Variants in SLC6A2 observed in about 807,000 individuals in gnomAD.
SLC6A2 encodes solute carrier family 6 member 2.
SLC6A2 carries 26 observed loss-of-function variants against 71.7 expected under a neutral mutation model. The ratio of observed to expected loss-of-function variants is 0.36; its 90% CI spans 0.27 to 0.50. The LOEUF (loss-of-function observed/expected upper bound fraction) is 0.50. Among genes scored for constraint, SLC6A2 ranks in the 20% least tolerant of loss-of-function variants. The pLI is 0.96. For synonymous variants in SLC6A2, 363 were observed against 337.9 expected, an observed-to-expected ratio of 1.07 and a Z score of -0.82; for missense variants, 581 against 803.9, an observed-to-expected ratio of 0.72 and a Z score of 3.35.
chr16:55,700,032 A>G, intron 12 of SLC6A2, 107 bp from the exon 13 acceptor site: 1 of 894,724 alleles, frequency 1.1e-6, no homozygotes, highest in Non-Finnish European at 1.8e-6. Flanking sequence ...TGTGATGCTC[A>G]CTTCTCTTCA....
intron 6 of SLC6A2, among the ~76,000 whole-genome samples, chr16:55,692,326 T>A (rs1243509616): frequency 6.6e-6 from 1 of 152,200 alleles, no homozygotes; most frequent in Non-Finnish European, 1.5e-5. Flanking sequence ...AGAAATTCCC[T>A]GTGAAGAGGA....
intron 4 of SLC6A2, among the ~76,000 whole-genome samples, chr16:55,674,250 A>G (rs1338560740): frequency 6.6e-6 from 1 of 151,884 alleles, no homozygotes; most frequent in African/African-American, 2.4e-5. Flanking sequence ...ATGTGTACTC[A>G]ATATTTAGCT....
intron 2 of SLC6A2, among the ~76,000 whole-genome samples, chr16:55,664,051 C>T (rs567327779): frequency 6.6e-6 from 1 of 152,236 alleles, no homozygotes; most frequent in South Asian, 2.1e-4. Context: ...ACATGCCTAT[C>T]CAATGACATC....
At chr16:55,695,478 G>T (rs1597009090) in intron 8 of SLC6A2, 76 bp downstream of exon 8, 1 of 1,515,146 alleles carries the variant, frequency 6.6e-7, no homozygotes, top group South Asian at 1.1e-5. Context: ...TGGCTGCATG[G>T]CTCTTCCGTG....
chr16:55,669,185 C>T (rs1289631880), intron 2 of SLC6A2, among the ~76,000 whole-genome samples: 1 of 152,022 alleles, frequency 6.6e-6, no homozygotes, highest in Admixed American at 6.6e-5. Flanking sequence ...ATTGGCATTC[C>T]CAGAGTGATG....
At chr16:55,673,254 C>T (rs1233122502) in intron 4 of SLC6A2, among the ~76,000 whole-genome samples, 1 of 152,208 alleles carries the variant, frequency 6.6e-6, no homozygotes, top group African/African-American at 2.4e-5. Flanking sequence ...TGATGCTGTG[C>T]CCTCCTCAGT....
At chr16:55,695,769 A>G (rs1478046223) in intron 8 of SLC6A2, among the ~76,000 whole-genome samples, 2 of 152,152 alleles carry the variant, frequency 1.3e-5, no homozygotes, top group Non-Finnish European at 2.9e-5. Context: ...AGCTAAATAC[A>G]TTGTCTGGCG....
intron 4 of SLC6A2, among the ~76,000 whole-genome samples, chr16:55,684,012 C>T (rs1965365356): frequency 6.6e-6 from 1 of 152,092 alleles, no homozygotes; most frequent in South Asian, 2.1e-4. Context: ...TAATACTCCA[C>T]TTAGGCCAGG....
chr16:55,697,720 G>A (rs1003092186), intron 9 of SLC6A2, among the ~76,000 whole-genome samples, 177 bp from the exon 10 acceptor site: 5 of 138,730 alleles, frequency 3.6e-5, no homozygotes, highest in Non-Finnish European at 6.6e-5. Context: ...GTTTGCCTGA[G>A]AACAGGACAG....
chr16:55,700,331 A>T lies in SLC6A2; in HGVS notation c.1758+25A>T, dbSNP rs376482135. 8.1e-5 allele frequency: 130 copies of T among 1,603,892 alleles called. No individual in the cohort carries two copies. The African/African-American group carries it at 1.6e-3, about 19-fold the overall frequency. On this transcript the variant is annotated intron_variant, in intron 13 of 14. Coordinates refer to ENST00000568943, the MANE Select transcript of SLC6A2 (RefSeq NM_001172501.3). ...GGTGAGCTCTGGTCCTCCCCAGGGG[A>T]ACAGGGTGGGAGGGGGCTGAGGGGG...
At position 55,683,544 on chromosome 16, in the gene SLC6A2, C is replaced by T. The variant is rs1263772789; in HGVS notation, c.645-1599C>T. Among the ~76,000 whole-genome samples, 5 of 152,000 alleles carry T rather than the reference C, an allele frequency of 3.3e-5. No homozygotes were observed. In the East Asian group the frequency reaches 7.7e-4, roughly 24 times the overall value. ...ATGAGAATCACTTGAACTTGGGAGG[C>T]GGAGGTTGCAGTGAGCCGTCATCGC... On this transcript the variant is annotated intron_variant, in intron 4 of 14. Transcript: ENST00000568943.
intron 2 of SLC6A2, among the ~76,000 whole-genome samples, chr16:55,658,428 A>G (rs1964518395): frequency 6.6e-6 from 1 of 151,974 alleles, no homozygotes; most frequent in Non-Finnish European, 1.5e-5. Context: ...CAGGAGAATC[A>G]CTTGAACCCG....
At chr16:55,699,427 CTAGTTCCAGGGTATCAGCATCT>C in intron 11 of SLC6A2, 105 bp from the exon 12 acceptor site, 1 of 756,326 alleles carries the variant, frequency 1.3e-6, no homozygotes, top group South Asian at 1.4e-5. Context: ...CCGAGTCTCC[CTAGTTCCAGGGTATCAGCATCT>C]TGCCTCACTG....
rs1966083327 is a variant in SLC6A2, at chr16:55,705,556, T to C, written c.*3210T>C. 3 of 336,896 alleles carry C rather than the reference T, an allele frequency of 8.9e-6. No homozygotes were observed. 20.9% of individuals were successfully genotyped at this position (336,896 alleles called of 1,614,324 possible). On this transcript the variant is annotated 3_prime_UTR_variant, in exon 15 of 15. Coordinates refer to ENST00000568943, the MANE Select transcript of SLC6A2 (RefSeq NM_001172501.3). ...TCTGCAGCTGACTAGCTGGGTGGCC[T>C]GGGGATAGTGGCTTCATCTTTTGGG...
intron 7 of SLC6A2, 87 bp downstream of exon 7, chr16:55,694,200 C>T (rs1965724203): frequency 4.0e-6 from 4 of 999,652 alleles, no homozygotes; most frequent in Non-Finnish European, 6.4e-6. Flanking sequence ...GTCTGGAAGC[C>T]AACTCTCCCT....
chr16:55,700,001 T>G (rs1243149634), intron 12 of SLC6A2, 138 bp from the exon 13 acceptor site: 2 of 754,030 alleles, frequency 2.7e-6, no homozygotes, highest in Non-Finnish European at 4.7e-6. Flanking sequence ...TTTCCACTCC[T>G]TCCTTATTTC....
chr16:55,701,787 T>A (rs981805198), intron 13 of SLC6A2, 76 bp from the exon 14 acceptor site: 1 of 1,095,256 alleles, frequency 9.1e-7, no homozygotes. Flanking sequence ...GTGGCCCTCA[T>A]CTGGGGGTGC....
In SLC6A2 at chr16:55,703,101, C is replaced by T; in HGVS notation, c.*755C>T. On this transcript the variant is annotated 3_prime_UTR_variant, in exon 15 of 15. Transcript: ENST00000568943. ...ACAGTGAGCAGGTTCTAGGAGGTAC[C>T]TGCATCAGACAAGCTGGTGGAGGCC... 1.0e-6 allele frequency: 1 copy of T among 985,656 alleles called. No homozygotes were observed. Among genetic ancestry groups the T allele is most frequent in the Non-Finnish European group, 1.2e-6 (1 of 830,108 alleles). The allele number at this position is 985,656 out of a possible 1,614,324, so 61.1% of individuals were successfully genotyped here. A position where few individuals can be genotyped will look rare whatever the true frequency, so the allele number is the denominator to read the frequency against.
At position 55,695,262 on chromosome 16, in the gene SLC6A2, G is replaced by C. The variant is rs1317388246; in HGVS notation, c.1023-16G>C. 29 of 1,613,928 alleles carry C rather than the reference G, an allele frequency of 1.8e-5. No homozygotes were observed. The highest frequency in any genetic ancestry group is 2.5e-5 in the Non-Finnish European group (29 of 1,179,982). ...GGGTGTCAAGGGACTTGACCTCACT[G>C]TGCTTCTTCCCCCAGGGATGCCCTG... On this transcript the variant is annotated splice_polypyrimidine_tract_variant and intron_variant, in intron 7 of 14. Transcript: ENST00000568943.
Sources: gnomAD v4.1 joint callset for allele counts (sites outside exome capture counted in the v4.1 genomes callset) on GRCh38, gnomAD v4.1.1 for gene constraint, MANE v1.5 for transcripts, NCBI Gene and HGNC (gene_info 2026-07-23, HGNC 2026-07-21) for gene names.